The following RIMS2 variants were observed in gnomAD, a reference collection of about 807,000 sequenced individuals.
RIMS2 encodes regulating synaptic membrane exocytosis protein 2.
In RIMS2, 59 loss-of-function variants were observed where a neutral mutation model predicts 174.4. The observed-to-expected ratio is 0.34, with a 90% CI of 0.27 to 0.42. The LOEUF is 0.42. RIMS2 is among the 10% of genes least tolerant of loss of function. RIMS2 has a pLI of 1.00. For synonymous variants in RIMS2, 606 were observed against 572.5 expected (o/e 1.06, Z -0.84); for missense variants, 1,620 against 1,666.3 (o/e 0.97, Z 0.48).
chr8:103,789,195 C>T (rs549148148), intron 3 of RIMS2, among the ~76,000 whole-genome samples: 22 of 152,148 alleles, frequency 1.4e-4, no homozygotes, highest in East Asian at 1.9e-4. Flanking sequence ...GAGATGAACC[C>T]GGTACCTCAG....
At chr8:103,585,013 G>T (rs548562765) in intron 1 of RIMS2, among the ~76,000 whole-genome samples, 1 of 152,236 alleles carries the variant, frequency 6.6e-6, no homozygotes, top group East Asian at 1.9e-4. Flanking sequence ...AAGACACACA[G>T]ACTGAAAATA....
intron 1 of RIMS2, among the ~76,000 whole-genome samples, chr8:103,575,677 C>CATATATATATATAT (rs1194550934): frequency 2.3e-5 from 2 of 85,920 alleles, no homozygotes; most frequent in African/African-American, 8.3e-5. Flanking sequence ...CACATACACA[C>CATATATATATATAT]ACACACACAT....
intron 1 of RIMS2, among the ~76,000 whole-genome samples, chr8:103,619,067 A>G (rs2095570993): frequency 6.7e-6 from 1 of 149,852 alleles, no homozygotes; most frequent in African/African-American, 2.5e-5. Flanking sequence ...CCCCTATTAC[A>G]TGAGTCAATA....
At chr8:104,041,461 A>G in intron 19 of RIMS2, 103 bp downstream of exon 22, 1 of 547,466 alleles carries the variant, frequency 1.8e-6, no homozygotes, top group Admixed American at 2.8e-5. Context: ...ATTCCTTTGT[A>G]ATATAACAAA....
intron 19 of RIMS2, among the ~76,000 whole-genome samples, chr8:104,085,609 C>G (rs2097524257): frequency 6.6e-6 from 1 of 152,142 alleles, no homozygotes; most frequent in Non-Finnish European, 1.5e-5. Flanking sequence ...ATTAAATACT[C>G]TGGTTACCAA....
intron 1 of RIMS2, among the ~76,000 whole-genome samples, chr8:103,555,710 T>A (rs1850115678): frequency 6.6e-6 from 1 of 150,952 alleles, no homozygotes; most frequent in South Asian, 2.1e-4. Context: ...GGTGGGAGGA[T>A]CACTTGAGCC....
intron 3 of RIMS2, among the ~76,000 whole-genome samples, chr8:103,787,221 A>G (rs1188828781): frequency 6.7e-6 from 1 of 150,020 alleles, no homozygotes; most frequent in Non-Finnish European, 1.5e-5. Context: ...TTGACTCTTT[A>G]TCCAATTTGC....
chr8:104,118,654 C>T (rs1430226451), intron 19 of RIMS2, among the ~76,000 whole-genome samples: 1 of 151,988 alleles, frequency 6.6e-6, no homozygotes, highest in African/African-American at 2.4e-5. Flanking sequence ...TAGCCATGAG[C>T]CACCGGGCCC....
In RIMS2 at chr8:103,603,824, C is replaced by T. The variant is rs529692399; in HGVS notation, c.177-93262C>T. Among the ~76,000 whole-genome samples the T allele has an allele frequency of 5.6e-3, 827 of 148,554 alleles. 6 individuals are homozygous for T. Among genetic ancestry groups the T allele is most frequent in the African/African-American group, 0.017 (691 of 39,814 alleles). ...TTGAGAAGTGTCTGTTCATGTCCTT[C>T]GCCCACTTTTTGATGGGGTTGTTTG... On this transcript the variant is annotated intron_variant, in intron 1 of 23. Coordinates refer to ENST00000504942, the Ensembl canonical transcript of RIMS2.
chr8:104,146,194 T>C (rs1392837401), intron 19 of RIMS2, among the ~76,000 whole-genome samples: 1 of 111,628 alleles, frequency 9.0e-6, no homozygotes, highest in African/African-American at 3.7e-5. Flanking sequence ...TGAGAACCTG[T>C]CTCCTCTCCC....
intron 1 of RIMS2, among the ~76,000 whole-genome samples, chr8:103,544,086 G>C (rs1843779205): frequency 7.4e-6 from 1 of 135,856 alleles, no homozygotes; most frequent in African/African-American, 2.9e-5. Flanking sequence ...TTAATATCCA[G>C]AATATATTAG....
intron 3 of RIMS2, among the ~76,000 whole-genome samples, chr8:103,845,978 G>A (rs527408586): frequency 2.8e-4 from 42 of 152,210 alleles, no homozygotes; most frequent in Admixed American, 6.5e-4. Context: ...TAACTACAAG[G>A]AAAACTTGTT....
chr8:103,822,623 T>C (rs2154474047), intron 3 of RIMS2, among the ~76,000 whole-genome samples: 1 of 152,020 alleles, frequency 6.6e-6, no homozygotes, highest in East Asian at 1.9e-4. Flanking sequence ...GGTTCTTGAG[T>C]ACCATTTTAG....
intron 19 of RIMS2, among the ~76,000 whole-genome samples, chr8:104,136,106 A>G (rs905565387): frequency 2.6e-5 from 4 of 152,204 alleles, no homozygotes; most frequent in Admixed American, 1.3e-4. Context: ...TACTCTGTCT[A>G]CTCAATATAC....
chr8:103,668,965 C>G (rs1441712217), intron 1 of RIMS2, among the ~76,000 whole-genome samples: 1 of 152,054 alleles, frequency 6.6e-6, no homozygotes, highest in African/African-American at 2.4e-5. Context: ...TTTGTTTCTC[C>G]AAATTAAGTG....
chr8:104,011,142 C>T (rs2095749531), intron 17 of RIMS2, among the ~76,000 whole-genome samples: 1 of 152,054 alleles, frequency 6.6e-6, no homozygotes, highest in Non-Finnish European at 1.5e-5. Flanking sequence ...ATTTTCATAG[C>T]AGTAACATTG....
chr8:103,826,606 T>G (rs2154476663), intron 3 of RIMS2, among the ~76,000 whole-genome samples: 1 of 151,662 alleles, frequency 6.6e-6, no homozygotes, highest in East Asian at 1.9e-4. Context: ...AATTTTGATG[T>G]CAGGCAGTGT....
rs12548728 is a variant in RIMS2, at chr8:104,085,546, G to C, written c.3334+70931G>C. Among the ~76,000 whole-genome samples, 4 of 152,170 alleles carry C rather than the reference G, an allele frequency of 2.6e-5. No homozygotes were observed. The South Asian group carries it at 6.2e-4, about 24-fold the overall frequency. On this transcript the variant is annotated intron_variant, in intron 19 of 23. Transcript: ENST00000504942. ...GATTCTTTTAATAAAGACCAAAGTG[G>C]GAGAGGGAATATTGCGTAGGCATTC...
At chr8:103,736,601 C>A (rs1488382548) in intron 2 of RIMS2, among the ~76,000 whole-genome samples, 2 of 152,044 alleles carry the variant, frequency 1.3e-5, no homozygotes, top group African/African-American at 4.8e-5. Flanking sequence ...AATTGGCTGG[C>A]GTGAATCTAA....
Sources: allele counts gnomAD v4.1 joint callset (sites outside exome capture counted in the v4.1 genomes callset), GRCh38; gene constraint gnomAD v4.1.1; transcripts MANE v1.5; gene names NCBI Gene and HGNC (gene_info 2026-07-23, HGNC 2026-07-21).